The following C11orf65 variants were observed in gnomAD, a reference collection of about 807,000 sequenced individuals.
The protein encoded by C11orf65 is chromosome 11 open reading frame 65.
C11orf65 carries 38 observed loss-of-function variants against 35.3 expected under a neutral mutation model. That is an observed-to-expected ratio of 1.08 (90% CI 0.83 to 1.41). The LOEUF (loss-of-function observed/expected upper bound fraction) is 1.41. Ranked by LOEUF, C11orf65 falls within the 40% of genes most tolerant of loss-of-function variation. The pLI is 0.00. For missense variants in C11orf65, 370 were observed against 367.1 expected (o/e 1.01, Z -0.06); for synonymous variants, 105 against 114.4 (o/e 0.92, Z 0.53).
intron 3 of C11orf65, among the ~76,000 whole-genome samples, chr11:108,425,715 T>C (rs2092891568): frequency 6.6e-6 from 1 of 152,264 alleles, no homozygotes; most frequent in East Asian, 1.9e-4. Context: ...TTCAGGCCAA[T>C]ATACCTGATG....
At chr11:108,408,996 T>C (rs1383079071) in intron 3 of C11orf65, among the ~76,000 whole-genome samples, 1 of 152,110 alleles carries the variant, frequency 6.6e-6, no homozygotes, top group Non-Finnish European at 1.5e-5. Context: ...TAAAACATAT[T>C]TTCTATATTT....
In C11orf65 at chr11:108,347,275, C is replaced by A. The variant is rs1555139447; in HGVS notation, c.227-11983G>T. The A allele has an allele frequency of 8.8e-6, 14 of 1,596,994 alleles. No homozygotes were observed. Among genetic ancestry groups the A allele is most frequent in the African/African-American group, 1.3e-5 (1 of 74,440 alleles). ...TTCAGATTGTTTGTTTCTTTTTTCT[C>A]CAGTTGGTTACATACTTGGACTTGG... On this transcript the variant is annotated intron_variant, in intron 2 of 3. Transcript: ENST00000524755.
chr11:108,409,571 G>A (rs1041020604), intron 3 of C11orf65, among the ~76,000 whole-genome samples: 7 of 152,118 alleles, frequency 4.6e-5, no homozygotes, highest in African/African-American at 1.7e-4. Context: ...CTGGGCAGTG[G>A]CAGCAAGCCA....
chr11:108,334,583 T>C (rs1262139118), intron 3 of C11orf65, among the ~76,000 whole-genome samples: 4 of 152,208 alleles, frequency 2.6e-5, no homozygotes, highest in Non-Finnish European at 5.9e-5. Flanking sequence ...AGTTACTTGA[T>C]TTGAAATGTA....
At chr11:108,365,751 C>T (rs1244189912) in intron 2 of C11orf65, 38 of 527,234 alleles carry the variant, frequency 7.2e-5, no homozygotes, top group Middle Eastern at 5.4e-4. Flanking sequence ...CAGCGGCTCA[C>T]GCCTGTAATC....
chr11:108,445,183 G>A (rs747775803), intron 2 of C11orf65, among the ~76,000 whole-genome samples: 2 of 152,164 alleles, frequency 1.3e-5, no homozygotes, highest in South Asian at 2.1e-4. Flanking sequence ...TGGGGGAAGG[G>A]CACAGACAAA....
At chr11:108,338,803 G>A (rs2087142109) in intron 2 of C11orf65, among the ~76,000 whole-genome samples, 1 of 152,158 alleles carries the variant, frequency 6.6e-6, no homozygotes, top group Admixed American at 6.5e-5. Context: ...ATGTTATTTT[G>A]AGATTACTCC....
At chr11:108,366,333 T>C (rs866721145) in intron 2 of C11orf65, 1 of 211,688 alleles carries the variant, frequency 4.7e-6, no homozygotes, top group African/African-American at 2.3e-5. Context: ...CTTTCAGAAA[T>C]TGTTTTTCAT....
intron 3 of C11orf65, among the ~76,000 whole-genome samples, chr11:108,429,989 G>T (rs2092961759): frequency 6.6e-6 from 1 of 152,120 alleles, no homozygotes; most frequent in South Asian, 2.1e-4. Context: ...ATAGGTGGAA[G>T]GGAAAATAAG....
intron 3 of C11orf65, among the ~76,000 whole-genome samples, chr11:108,334,253 G>A (rs1378049128): frequency 6.6e-6 from 1 of 152,084 alleles, no homozygotes; most frequent in African/African-American, 2.4e-5. Flanking sequence ...GTTTCCGTGT[G>A]CTTATGCCAA....
intron 2 of C11orf65, among the ~76,000 whole-genome samples, chr11:108,338,693 A>C (rs1185370915): frequency 6.7e-6 from 1 of 149,374 alleles, no homozygotes; most frequent in Non-Finnish European, 1.5e-5. Context: ...AACCCAGATA[A>C]TTAATTATTT....
At chr11:108,354,479 A>T (rs78864395) in intron 2 of C11orf65, among the ~76,000 whole-genome samples, 1,579 of 152,306 alleles carry the variant, frequency 0.01, 16 homozygotes, top group Non-Finnish European at 0.014. Context: ...TGTGTACTCA[A>T]CTTGGATTGG....
chr11:108,357,758 CA>C (rs1367396082), intron 2 of C11orf65, among the ~76,000 whole-genome samples: 3 of 152,128 alleles, frequency 2.0e-5, no homozygotes, highest in Admixed American at 6.5e-5. Flanking sequence ...GGAAAACTAA[CA>C]AACAGAAAGG....
intron 2 of C11orf65, among the ~76,000 whole-genome samples, chr11:108,457,502 G>T (rs1281802886): frequency 6.6e-6 from 1 of 151,928 alleles, no homozygotes; most frequent in Admixed American, 6.6e-5. Flanking sequence ...AACTCAGCTG[G>T]GTGTGGTAGT....
At chr11:108,434,201 T>C (rs1219700449) in intron 2 of C11orf65, among the ~76,000 whole-genome samples, 2 of 152,130 alleles carry the variant, frequency 1.3e-5, no homozygotes, top group Admixed American at 6.6e-5. Flanking sequence ...AAAGTGGTCA[T>C]AGCAGTAGGA....
At chr11:108,413,361 C>T (rs963268366) in intron 3 of C11orf65, among the ~76,000 whole-genome samples, 2 of 152,178 alleles carry the variant, frequency 1.3e-5, no homozygotes, top group Non-Finnish European at 2.9e-5. Context: ...ATCCTTCCAA[C>T]TCTCCACTGT....
chr11:108,364,957 G>C lies in C11orf65; in HGVS notation c.226+28251C>G. ...CAAGGAAACATGAAGTGTGCATGAT[G>C]TTTGTTCCCCTCCCCCATCAACTAC... is the stretch of plus-strand genomic sequence containing the variant. On this transcript the variant is annotated intron_variant, in intron 2 of 3. Coordinates refer to the C11orf65 transcript ENST00000524755. The C allele has an allele frequency of 4.7e-6, 5 of 1,066,038 alleles. No homozygotes were observed. The South Asian group carries it at 7.1e-5, about 15-fold the overall frequency. The allele number at this position is 1,066,038 out of a possible 1,614,324, so 66.0% of individuals were successfully genotyped here.
chr11:108,312,463 G>T lies in C11orf65; in HGVS notation c.641-3392C>A, dbSNP rs786203404. ...GAGTACAACTATTTCTAGCTTGAGT[G>T]AAAAAAGTAAAGAAGAAACTGGAAT... is the stretch of plus-strand genomic sequence containing the variant. On this transcript the variant is annotated intron_variant, in intron 6 of 6. Transcript: ENST00000525729. The T allele has an allele frequency of 6.3e-7, 1 of 1,594,348 alleles. No individual in the cohort carries two copies. The highest frequency in any genetic ancestry group is 8.6e-7 in the Non-Finnish European group (1 of 1,162,542).
intron 2 of C11orf65, among the ~76,000 whole-genome samples, chr11:108,438,660 A>G (rs1266132601): frequency 2.0e-5 from 3 of 152,158 alleles, no homozygotes; most frequent in Admixed American, 2.0e-4. Context: ...GATTTCTTGG[A>G]TATAACACCA....
Sources: gnomAD v4.1 joint callset for allele counts (sites outside exome capture counted in the v4.1 genomes callset) on GRCh38, gnomAD v4.1.1 for gene constraint, MANE v1.5 for transcripts, NCBI Gene and HGNC (gene_info 2026-07-23, HGNC 2026-07-21) for gene names.